Variants in BTBD8 observed in about 807,000 individuals in gnomAD.
The protein encoded by BTBD8 is BTB domain containing 8, also known as BTB/POZ domain-containing protein 8.
In BTBD8, 110 loss-of-function variants were observed where a neutral mutation model predicts 162.9. That is an observed-to-expected ratio of 0.68 (90% CI 0.58 to 0.79). The LOEUF (loss-of-function observed/expected upper bound fraction) is 0.79. Among genes scored for constraint, BTBD8 ranks in the 30% least tolerant of loss-of-function variants. The probability of loss-of-function intolerance (pLI) is 0.00; values close to 1 mark genes in which losing one functional copy is unlikely to be tolerated. For missense variants in BTBD8, 1,905 were observed against 2,085.4 expected (o/e 0.91, Z 1.68); for synonymous variants, 667 against 716.1 (o/e 0.93, Z 1.10).
Position 92,180,411 on chromosome 1 carries a change from C to G in BTBD8, c.2728C>G (p.Pro910Ala). Residue 910 changes from proline to alanine, a missense_variant, in exon 17 of 18, where the codon CCT (proline) becomes GCT (alanine). Transcript: ENST00000636805. The stretch of plus-strand genomic sequence containing the variant: ...GGTCAAGCAAGTACACACAGCTTTG[C>G]CTAAGGTTAATGCAAAAATAGTGGC... ...KMVKQVHTAL[P>A]KVNAKIVAMP... 1.3e-6 allele frequency: 2 copies of G among 1,551,436 alleles called. No individual in the cohort carries two copies. The highest frequency in any genetic ancestry group is 1.7e-6 in the Non-Finnish European group (2 of 1,146,906).
At chr1:92,160,169 T>C (rs1650247562) in intron 9 of BTBD8, among the ~76,000 whole-genome samples, 1 of 152,054 alleles carries the variant, frequency 6.6e-6, no homozygotes, top group Non-Finnish European at 1.5e-5. Flanking sequence ...CTTTAAAGAA[T>C]TTTTCAATTC....
In BTBD8 at chr1:92,175,477, C is replaced by CAAAA. The variant is rs71091265; in HGVS notation, c.1636-1333_1636-1330dup. Among the ~76,000 whole-genome samples, 153 of 37,382 alleles carry CAAAA rather than the reference C, an allele frequency of 4.1e-3. 18 individuals are homozygous for CAAAA. Among genetic ancestry groups the CAAAA allele is most frequent in the South Asian group, 8.8e-3 (4 of 456 alleles). The allele number at this position is 37,382 out of a possible 152,430, so 24.5% of individuals were successfully genotyped here. On this transcript the variant is annotated intron_variant, in intron 13 of 17. Coordinates refer to ENST00000636805, the MANE Select transcript of BTBD8 (RefSeq NM_001376131.1). ...CTGGCAACAGAGCAAGACTCCATCT[C>CAAAA]AAAAAAAAAAAAAAAAAAAAAAGAA...
chr1:92,177,667 A>G, intron 14 of BTBD8, 121 bp downstream of exon 14: 2 of 818,500 alleles, frequency 2.4e-6, no homozygotes, highest in Non-Finnish European at 3.9e-6. Context: ...ATACTTATGT[A>G]TATGTACTTA....
intron 9 of BTBD8, among the ~76,000 whole-genome samples, chr1:92,156,033 G>A (rs1650153396): frequency 6.6e-6 from 1 of 152,058 alleles, no homozygotes; most frequent in South Asian, 2.1e-4. Flanking sequence ...AAGTTTTCAG[G>A]GTAAACCTTG....
At chr1:92,169,033 G>T in intron 12 of BTBD8, 38 bp downstream of exon 12, 2 of 1,471,830 alleles carry the variant, frequency 1.4e-6, no homozygotes, top group Non-Finnish European at 1.8e-6. Context: ...CTTATGTAAT[G>T]ATCATTGTGA....
intron 4 of BTBD8, among the ~76,000 whole-genome samples, chr1:92,117,612 T>A (rs902033733): frequency 3.9e-5 from 6 of 152,018 alleles, no homozygotes; most frequent in Non-Finnish European, 8.8e-5. Flanking sequence ...TTATGCACAC[T>A]CAAATTATAT....
chr1:92,103,092 CAGA>C (rs1333943884), intron 3 of BTBD8, among the ~76,000 whole-genome samples: 1 of 152,104 alleles, frequency 6.6e-6, no homozygotes, highest in Non-Finnish European at 1.5e-5. Context: ...AAGTAGATTT[CAGA>C]AGGATTGTGG....
intron 7 of BTBD8, among the ~76,000 whole-genome samples, chr1:92,142,927 T>C (rs1649811619): frequency 1.3e-5 from 2 of 152,224 alleles, no homozygotes; most frequent in African/African-American, 2.4e-5. Context: ...CCATATGAAT[T>C]TGACCCAGAA....
At chr1:92,128,397 G>A (rs1649419092) in intron 4 of BTBD8, among the ~76,000 whole-genome samples, 1 of 152,008 alleles carries the variant, frequency 6.6e-6, no homozygotes, top group African/African-American at 2.4e-5. Context: ...TCTTGACTTA[G>A]TCTCCCGAGT....
Position 92,158,244 on chromosome 1 carries a change from T to C in BTBD8, c.1123-8714T>C, listed in dbSNP as rs192705606. On this transcript the variant is annotated intron_variant, in intron 9 of 17. Transcript: ENST00000636805. Reference sequence around the variant, plus strand: ...ATCTATTTATATTTTAAGTAATTATTGAGAGGAAAGGATTTACTATTGCCA... The same window carrying C: ...ATCTATTTATATTTTAAGTAATTATCGAGAGGAAAGGATTTACTATTGCCA... Among the ~76,000 whole-genome samples the C allele has an allele frequency of 2.2e-4, 33 of 152,318 alleles. 1 individual carries two copies. Among genetic ancestry groups the C allele is most frequent in the African/African-American group, 7.7e-4 (32 of 41,586 alleles).
rs903908547 is a variant in BTBD8 at position 92,181,960 on chromosome 1, G to A, written c.4277G>A (p.Arg1426His). 24 of 1,551,550 alleles carry A rather than the reference G, an allele frequency of 1.5e-5. No homozygotes were observed. The highest frequency in any genetic ancestry group is 3.3e-4 in the Middle Eastern group (2 of 5,992). ...AFEDATENEC[R>H]EFSATKKFKR... ...GAAGATGCAACTGAAAATGAATGTC[G>A]TGAATTTTCTGCAACTAAAAAGTTT... Residue 1426 changes from arginine (R) to histidine (H), a missense_variant, in exon 17 of 18, where the codon CGT (arginine) becomes CAT (histidine). Around this residue, in one of 3 missense-constraint regions of BTBD8, gnomAD observed 517 missense variants for 606.6 expected, o/e 0.85. Transcript: ENST00000636805.
At chr1:92,178,526 A>T in intron 16 of BTBD8, 75 bp downstream of exon 16, 3 of 1,196,868 alleles carry the variant, frequency 2.5e-6, no homozygotes, top group Non-Finnish European at 3.5e-6. Context: ...TCTGATTTGC[A>T]ACTTCAGTAG....
chr1:92,091,595 C>T (rs1270497740), intron 2 of BTBD8, among the ~76,000 whole-genome samples: 2 of 151,550 alleles, frequency 1.3e-5, no homozygotes, highest in South Asian at 2.1e-4. Context: ...AGTGCAGTGG[C>T]GCAATCTCGG....
intron 7 of BTBD8, among the ~76,000 whole-genome samples, chr1:92,143,507 G>A (rs773836624): frequency 2.6e-5 from 4 of 151,524 alleles, no homozygotes; most frequent in African/African-American, 4.9e-5. Flanking sequence ...ATTTATTTAC[G>A]TATGTATTTA....
chr1:92,139,135 A>G lies in BTBD8; in HGVS notation c.753-215A>G, dbSNP rs576311362. ...GCTCAATAAATAATGATTTGATAAC[A>G]TACTAATAACCTTGTATAACTTATA... On this transcript the variant is annotated intron_variant, in intron 5 of 17. Transcript: ENST00000636805. Among the ~76,000 whole-genome samples, 12 of 152,340 alleles carry G rather than the reference A, an allele frequency of 7.9e-5. No individual in the cohort carries two copies. In the East Asian group the frequency reaches 2.1e-3, roughly 27 times the overall value.
At chr1:92,103,976 A>G (rs992672127) in intron 3 of BTBD8, among the ~76,000 whole-genome samples, 9 of 152,248 alleles carry the variant, frequency 5.9e-5, no homozygotes, top group African/African-American at 2.2e-4. Context: ...GGTGTGTCTC[A>G]TAACACATGC....
chr1:92,112,638 G>T (rs1230174402), intron 4 of BTBD8, among the ~76,000 whole-genome samples: 2 of 151,990 alleles, frequency 1.3e-5, no homozygotes, highest in Non-Finnish European at 2.9e-5. Context: ...AATTTTGTCG[G>T]ATAATAGAGT....
chr1:92,176,931 A>G lies in BTBD8; in HGVS notation c.1738A>G (p.Lys580Glu). The change falls in exon 14 of 18, where the codon AAA (lysine) becomes GAA (glutamate). Residue 580 changes from lysine (K) to glutamate (E), a missense_variant. Lys to Glu is a moderately conservative substitution (Grantham distance 56). Around this residue, in one of 3 missense-constraint regions of BTBD8, gnomAD observed 1,374 missense variants for 1,442.7 expected, o/e 0.95. Coordinates refer to ENST00000636805, the MANE Select transcript of BTBD8 (RefSeq NM_001376131.1). Reference protein sequence around the residue: ...WSYLSTNKKMKSDGLGASGHS... With the variant: ...WSYLSTNKKMESDGLGASGHS... Reference sequence around the variant, plus strand: ...TTATCTCTCTACTAATAAAAAGATGAAATCTGATGGATTAGGAGCATCTGG... The same window carrying G: ...TTATCTCTCTACTAATAAAAAGATGGAATCTGATGGATTAGGAGCATCTGG... 1 of 1,539,998 alleles carries G rather than the reference A, an allele frequency of 6.5e-7. No individual in the cohort carries two copies. The highest frequency in any genetic ancestry group is 8.8e-7 in the Non-Finnish European group (1 of 1,141,774).
rs978938304 is a variant in BTBD8, at chr1:92,168,783, G to T, written c.1444-83G>T. ...ATGACATCATTGATCTAGCTTAGGAGTAAGTAGATTCTGAAAGGAATAATG... is the reference window on the plus strand; with the variant it reads ...ATGACATCATTGATCTAGCTTAGGATTAAGTAGATTCTGAAAGGAATAATG... On this transcript the variant is annotated intron_variant, in intron 11 of 17. Transcript: ENST00000636805. 5.4e-6 allele frequency: 7 copies of T among 1,290,876 alleles called. No individual in the cohort carries two copies. The South Asian group carries it at 1.5e-4, about 27-fold the overall frequency. 80.0% of individuals were successfully genotyped at this position (1,290,876 alleles called of 1,614,324 possible). A position where few individuals can be genotyped will look rare whatever the true frequency, so the allele number is the denominator to read the frequency against.
Sources: gnomAD v4.1 joint callset for allele counts (sites outside exome capture counted in the v4.1 genomes callset) on GRCh38, gnomAD v4.1.1 for gene constraint, gnomAD v4.1.1 regional missense constraint, MANE v1.5 for transcripts, NCBI Gene and HGNC (gene_info 2026-07-23, HGNC 2026-07-21) for gene names.